Variants in DPY30 observed in about 807,000 individuals in gnomAD.
The protein encoded by DPY30 is dpy-30 histone methyltransferase complex regulatory subunit, also known as protein dpy-30 homolog.
A neutral mutation model predicts 16.2 loss-of-function variants in DPY30; 6 were observed. The ratio of observed to expected loss-of-function variants is 0.37; its 90% CI spans 0.20 to 0.73. The LOEUF (loss-of-function observed/expected upper bound fraction) is 0.73. DPY30 is among the 30% of genes least tolerant of loss of function. The pLI, the probability that DPY30 is intolerant of heterozygous loss-of-function variation, is 0.51. For synonymous variants in DPY30, 39 were observed against 38.8 expected (o/e 1.00, Z -0.02); for missense variants, 73 against 113.1 (o/e 0.65, Z 1.61).
At chr2:32,039,712 G>C (rs1399209829) in intron 1 of DPY30, 21 bp downstream of exon 1, 1 of 579,552 alleles carries the variant, frequency 1.7e-6, no homozygotes, top group Non-Finnish European at 3.1e-6. Context: ...GTGAGAAAGT[G>C]GGGGAAAGGG....
chr2:32,037,248 T>C (rs1303559906), intron 3 of DPY30, among the ~76,000 whole-genome samples: 1 of 152,202 alleles, frequency 6.6e-6, no homozygotes, highest in Non-Finnish European at 1.5e-5. Flanking sequence ...AAATGGTCAA[T>C]ATGTGGATAA....
At chr2:32,039,141 C>A in intron 3 of DPY30, 138 bp downstream of exon 3, 2 of 978,862 alleles carry the variant, frequency 2.0e-6, no homozygotes, top group Non-Finnish European at 3.2e-6. Context: ...ATAAAACAAG[C>A]TACCCATAAC....
downstream of DPY30, among the ~76,000 whole-genome samples, chr2:32,019,926 AT>A (rs1675143548): frequency 6.7e-6 from 1 of 148,426 alleles, no homozygotes; most frequent in Non-Finnish European, 1.5e-5. Flanking sequence ...ATATACATAT[AT>A]TTGTACATAT....
intron 3 of DPY30, among the ~76,000 whole-genome samples, chr2:32,036,011 G>T (rs1374008693): frequency 1.3e-5 from 2 of 150,984 alleles, no homozygotes; most frequent in African/African-American, 4.9e-5. Context: ...CTGAGACAGG[G>T]TCTCACTCTG....
chr2:32,025,090 G>A (rs1167045657), intron 4 of DPY30, among the ~76,000 whole-genome samples: 1 of 152,194 alleles, frequency 6.6e-6, no homozygotes, highest in Non-Finnish European at 1.5e-5. Flanking sequence ...AGCCCTAAGA[G>A]CTGTCTACAA....
chr2:32,039,551 A>C, intron 1 of DPY30, 59 bp from the exon 2 acceptor site: 2 of 1,553,746 alleles, frequency 1.3e-6, no homozygotes, highest in Non-Finnish European at 1.8e-6. Context: ...AGACTCCAGG[A>C]TGGAGTGCAG....
At chr2:32,031,175 C>G (rs530339960) in intron 3 of DPY30, among the ~76,000 whole-genome samples, 2 of 152,062 alleles carry the variant, frequency 1.3e-5, no homozygotes, top group African/African-American at 4.8e-5. Flanking sequence ...GTAAACCCAG[C>G]ACTTTCGGAG....
downstream of DPY30, among the ~76,000 whole-genome samples, chr2:32,022,436 G>A (rs577795016): frequency 1.3e-5 from 2 of 151,924 alleles, no homozygotes; most frequent in Admixed American, 1.3e-4. Flanking sequence ...ATAAGTGTCA[G>A]TTCTACTAAA....
At chr2:32,018,872 G>A (rs1197120489) in intron 5 of DPY30, among the ~76,000 whole-genome samples, 1 of 150,516 alleles carries the variant, frequency 6.6e-6, no homozygotes, top group Non-Finnish European at 1.5e-5. Flanking sequence ...TACAAAAAAA[G>A]CAAATTAGCC....
At chr2:32,023,447 C>G, downstream of DPY30, 1 of 471,600 alleles carries the variant, frequency 2.1e-6, no homozygotes, top group East Asian at 6.9e-5. Flanking sequence ...GAGCATGTCA[C>G]TTAACCTCTC....
chr2:32,037,271 CCTTT>C (rs1334797291), intron 3 of DPY30, among the ~76,000 whole-genome samples: 2 of 152,076 alleles, frequency 1.3e-5, no homozygotes, highest in African/African-American at 4.8e-5. Context: ...GTAAAATTCT[CCTTT>C]TTTTGTATTG....
intron 5 of DPY30, among the ~76,000 whole-genome samples, chr2:32,012,383 T>A (rs1445267567): frequency 5.7e-4 from 84 of 147,608 alleles, no homozygotes; most frequent in Admixed American, 2.0e-3. Flanking sequence ...AAAAAAAAAA[T>A]GGACATACCA....
intron 5 of DPY30, among the ~76,000 whole-genome samples, chr2:32,012,497 C>G (rs1039006275): frequency 2.5e-5 from 3 of 120,368 alleles, no homozygotes; most frequent in South Asian, 2.8e-4. Context: ...GTGGCTCGAT[C>G]TGGGCTCGCT....
At chr2:32,034,302 T>C (rs555531085) in intron 3 of DPY30, among the ~76,000 whole-genome samples, 74 of 152,292 alleles carry the variant, frequency 4.9e-4, no homozygotes, top group Non-Finnish European at 9.7e-4. Flanking sequence ...TGGCCACAGT[T>C]CTGCAAGCTA....
At chr2:32,026,040 G>C (rs2366547) in intron 4 of DPY30, among the ~76,000 whole-genome samples, 3 of 151,788 alleles carry the variant, frequency 2.0e-5, no homozygotes, top group African/African-American at 4.8e-5. Flanking sequence ...CTGGGAGTTC[G>C]AGGCTTCAGT....
chr2:32,026,161 G>A (rs1675326451), intron 4 of DPY30, among the ~76,000 whole-genome samples: 1 of 152,136 alleles, frequency 6.6e-6, no homozygotes, highest in Non-Finnish European at 1.5e-5. Context: ...CAGTTGCAGT[G>A]GCTCATGCCT....
At chr2:32,031,068 C>G (rs1026039745) in intron 3 of DPY30, among the ~76,000 whole-genome samples, 7 of 152,152 alleles carry the variant, frequency 4.6e-5, no homozygotes, top group Non-Finnish European at 8.8e-5. Flanking sequence ...GACTGACATT[C>G]AGAGCATTAA....
chr2:32,024,707 A>G (rs1198681246), intron 4 of DPY30, among the ~76,000 whole-genome samples: 1 of 152,234 alleles, frequency 6.6e-6, no homozygotes, highest in Non-Finnish European at 1.5e-5. Context: ...CAATAAAAGA[A>G]CAAAAATAAT....
chr2:32,030,140 G>C (rs1450908807), intron 3 of DPY30, among the ~76,000 whole-genome samples: 1 of 151,096 alleles, frequency 6.6e-6, no homozygotes, highest in Non-Finnish European at 1.5e-5. Flanking sequence ...TCACATCAGA[G>C]AGAGCAAGCT....
Sources: allele counts gnomAD v4.1 joint callset (sites outside exome capture counted in the v4.1 genomes callset), GRCh38; gene constraint gnomAD v4.1.1; transcripts MANE v1.5; gene names NCBI Gene and HGNC (gene_info 2026-07-23, HGNC 2026-07-21).